FAM228A: variants seen among roughly 807,000 people sequenced by gnomAD.
FAM228A encodes the protein protein FAM228A.
FAM228A carries 13 observed loss-of-function variants against 18.6 expected under a neutral mutation model. The ratio of observed to expected loss-of-function variants is 0.70; its 90% CI spans 0.45 to 1.11. FAM228A has a LOEUF of 1.11. FAM228A is among the 50% of genes least tolerant of loss of function. The pLI, the probability that FAM228A is intolerant of heterozygous loss-of-function variation, is 0.00. For missense variants in FAM228A, 240 were observed against 242.2 expected, an observed-to-expected ratio of 0.99 and a Z score of 0.06; for synonymous variants, 77 against 86.6, an observed-to-expected ratio of 0.89 and a Z score of 0.61.
chr2:24,183,934 G>A (rs1415593626), intron 5 of FAM228A, among the ~76,000 whole-genome samples: 1 of 152,074 alleles, frequency 6.6e-6, no homozygotes, highest in Non-Finnish European at 1.5e-5. Context: ...CTTTATAAGT[G>A]TTCACCTCCT....
At chr2:24,190,040 A>AT (rs1668043196) in intron 5 of FAM228A, among the ~76,000 whole-genome samples, 1 of 152,170 alleles carries the variant, frequency 6.6e-6, no homozygotes. Flanking sequence ...CTTTCTTTGC[A>AT]CATGGGCTTT....
At chr2:24,185,065 C>T (rs1667912711) in intron 5 of FAM228A, among the ~76,000 whole-genome samples, 1 of 152,138 alleles carries the variant, frequency 6.6e-6, no homozygotes, top group Admixed American at 6.5e-5. Context: ...TCAGGTGATC[C>T]ACCTGCCTTG....
chr2:24,186,935 C>T (rs540123771), intron 5 of FAM228A, among the ~76,000 whole-genome samples: 162 of 152,224 alleles, frequency 1.1e-3, no homozygotes, highest in African/African-American at 3.7e-3. Context: ...CTCTGTGCCC[C>T]GCCTGTGGAA....
At chr2:24,186,696 T>G (rs1667956873) in intron 5 of FAM228A, among the ~76,000 whole-genome samples, 2 of 152,140 alleles carry the variant, frequency 1.3e-5, no homozygotes, top group Non-Finnish European at 2.9e-5. Flanking sequence ...TGGAGTGCAA[T>G]GGCATGATCT....
chr2:24,181,682 G>A (rs529040695), intron 3 of FAM228A, among the ~76,000 whole-genome samples: 16 of 152,166 alleles, frequency 1.1e-4, no homozygotes, highest in African/African-American at 2.4e-4. Flanking sequence ...CACTGTGCCC[G>A]GCCTACGATC....
chr2:24,177,582 G>A (rs1245521401), intron 2 of FAM228A, among the ~76,000 whole-genome samples: 1 of 152,022 alleles, frequency 6.6e-6, no homozygotes, highest in Non-Finnish European at 1.5e-5. Context: ...GCTGAAAAAT[G>A]AGTAGGGATT....
chr2:24,188,653 G>A, intron 5 of FAM228A: 1 of 985,370 alleles, frequency 1.0e-6, no homozygotes, highest in South Asian at 4.7e-5. Flanking sequence ...TAATATTGGT[G>A]ACCTGGTACT....
chr2:24,182,425 T>A (rs1009118494), intron 3 of FAM228A, among the ~76,000 whole-genome samples: 2 of 152,134 alleles, frequency 1.3e-5, no homozygotes, highest in Non-Finnish European at 2.9e-5. Flanking sequence ...ATTCAGTAAT[T>A]GTTTACCTAG....
Position 24,183,631 on chromosome 2 carries a change from AACTT to A in FAM228A, c.390_393del (p.Tyr131AsnfsTer24), listed in dbSNP as rs749773761. ...AAGCCTCTGCAAGAGCCAGGAGTAAAACTTACAAATACAGGTACAGATGAGCAGA... is the reference window on the plus strand; with the variant it reads ...AAGCCTCTGCAAGAGCCAGGAGTAAAACAAATACAGGTACAGATGAGCAGA... On this transcript the variant is annotated frameshift_variant, in exon 5 of 6. Transcript: ENST00000295150. LOFTEE classifies it low-confidence loss of function (END_TRUNC). The A allele has an allele frequency of 1.2e-6, 2 of 1,603,366 alleles. No individual in the cohort carries two copies. Among genetic ancestry groups the A allele is most frequent in the Non-Finnish European group, 1.7e-6 (2 of 1,176,264 alleles).
chr2:24,183,582 G>C lies in FAM228A; in HGVS notation c.338G>C (p.Cys113Ser). Residue 113 changes from cysteine (C) to serine (S), a missense_variant, in exon 5 of 6, where the codon TGT becomes TCT. Physicochemically the swap from Cys to Ser is moderately radical, Grantham distance 112. Coordinates refer to ENST00000295150, the MANE Select transcript of FAM228A (RefSeq NM_001040710.3). ...CCCTACTTCACTTTCACTTCACACT[G>C]TGTGATTCCAAAAGAGTGGCATAAA... Reference protein sequence around the residue: ...SSPYFTFTSHCVIPKEWHKAS... With the variant: ...SSPYFTFTSHSVIPKEWHKAS... The C allele has an allele frequency of 6.2e-7, 1 of 1,614,024 alleles. No individual in the cohort carries two copies. Among genetic ancestry groups the C allele is most frequent in the Non-Finnish European group, 8.5e-7 (1 of 1,179,934 alleles).
intron 3 of FAM228A, among the ~76,000 whole-genome samples, chr2:24,178,154 T>C (rs1667734420): frequency 6.6e-6 from 1 of 152,226 alleles, no homozygotes; most frequent in Non-Finnish European, 1.5e-5. Context: ...TAGAAATTCT[T>C]TCCTACTCAC....
At chr2:24,187,428 C>T (rs1464838312) in intron 5 of FAM228A, among the ~76,000 whole-genome samples, 1 of 152,230 alleles carries the variant, frequency 6.6e-6, no homozygotes, top group Non-Finnish European at 1.5e-5. Context: ...ACTACATTGA[C>T]ATTATCACCC....
In FAM228A at chr2:24,175,143, G is replaced by A. The variant is rs1667647464; in HGVS notation, c.-46G>A. ...GGAGCCCTACCGGGACGGAGCCGCG[G>A]GGCCTGCGACTTCCCCCGGAGCTGG... On this transcript the variant is annotated 5_prime_UTR_variant, in exon 1 of 6. Transcript: ENST00000295150. 8.2e-6 allele frequency: 2 copies of A among 245,280 alleles called. No homozygotes were observed. The highest frequency in any genetic ancestry group is 5.2e-5 in the South Asian group (1 of 19,140). The allele number at this position is 245,280 out of a possible 1,614,324, so 15.2% of individuals were successfully genotyped here.
chr2:24,177,119 A>C (rs1037580782), intron 2 of FAM228A, among the ~76,000 whole-genome samples: 2 of 152,228 alleles, frequency 1.3e-5, no homozygotes, highest in Non-Finnish European at 2.9e-5. Flanking sequence ...ATCTAGCAAA[A>C]GGCGGGAAAC....
intron 3 of FAM228A, among the ~76,000 whole-genome samples, chr2:24,180,550 C>G (rs990265108): frequency 1.3e-5 from 2 of 152,136 alleles, no homozygotes; most frequent in Non-Finnish European, 2.9e-5. Context: ...AGGGGCAGAG[C>G]TCAAGATTGA....
intron 5 of FAM228A, among the ~76,000 whole-genome samples, chr2:24,188,018 CT>C (rs1399688378): frequency 6.7e-6 from 1 of 149,764 alleles, no homozygotes; most frequent in Non-Finnish European, 1.5e-5. Context: ...GTTATTTTCT[CT>C]TTGTTCCCTC....
Position 24,177,860 on chromosome 2 carries a change from C to G in FAM228A, c.152C>G (p.Ser51Cys), listed in dbSNP as rs763809580. ...AVCAILFKEN[S>C]IVKVTVPPFV... ...TGTGCAATATTATTTAAAGAAAATT[C>G]CATTGTGAAGGTAAGAGTTGGCTCC... is the stretch of plus-strand genomic sequence containing the variant. The change falls in exon 3 of 6, where the codon TCC (serine) becomes TGC (cysteine). Residue 51 changes from serine to cysteine, a missense_variant. By Grantham distance (112) the Ser-to-Cys change is moderately radical (BLOSUM62 -1). Coordinates refer to ENST00000295150, the MANE Select transcript of FAM228A (RefSeq NM_001040710.3). The G allele has an allele frequency of 6.2e-7, 1 of 1,601,480 alleles. No homozygotes were observed. Among genetic ancestry groups the G allele is most frequent in the Non-Finnish European group, 8.5e-7 (1 of 1,170,936 alleles).
Position 24,190,600 on chromosome 2 carries a change from C to T in FAM228A, c.590C>T (p.Thr197Ile), listed in dbSNP as rs1271363924. ...GRGWHAGLCS[T>I]HEQHILVPE The stretch of plus-strand genomic sequence containing the variant: ...GGCTGGCATGCAGGGCTTTGCAGCA[C>T]CCACGAGCAGCACATACTGGTTCCA... The change falls in exon 6 of 6, where the codon ACC (threonine) becomes ATC (isoleucine). Residue 197 changes from threonine (T) to isoleucine (I), a missense_variant. Transcript: ENST00000295150. The T allele has an allele frequency of 1.9e-6, 3 of 1,593,746 alleles. No individual in the cohort carries two copies. The highest frequency in any genetic ancestry group is 1.1e-5 in the South Asian group (1 of 87,678).
intron 5 of FAM228A, 119 bp downstream of exon 5, chr2:24,183,764 TATC>T (rs965152875): frequency 1.5e-5 from 12 of 791,328 alleles, no homozygotes; most frequent in African/African-American, 1.1e-4. Context: ...TTATTATTAT[TATC>T]ATCACCTTTG....
Sources: gnomAD v4.1 joint callset for allele counts (sites outside exome capture counted in the v4.1 genomes callset) on GRCh38, gnomAD v4.1.1 for gene constraint, MANE v1.5 for transcripts, NCBI Gene and HGNC (gene_info 2026-07-23, HGNC 2026-07-21) for gene names.